PPP6R3: variants seen among roughly 807,000 people sequenced by gnomAD.
PPP6R3 encodes the protein protein phosphatase 6 regulatory subunit 3.
Under a neutral mutation model 110.7 loss-of-function variants are expected in PPP6R3, and 38 were observed. That is an observed-to-expected ratio of 0.34 (90% CI 0.26 to 0.45). The LOEUF (loss-of-function observed/expected upper bound fraction) is 0.45, where lower values mean the gene tolerates loss of function less well. Ranked by LOEUF, PPP6R3 falls within the 20% of genes least tolerant of loss-of-function variation. PPP6R3 has a pLI of 1.00. For missense variants in PPP6R3, 870 were observed against 1,062.4 expected, an observed-to-expected ratio of 0.82 and a Z score of 2.52; for synonymous variants, 369 against 373.5, an observed-to-expected ratio of 0.99 and a Z score of 0.14.
At chr11:68,479,805 C>T (rs539627800) in intron 1 of PPP6R3, among the ~76,000 whole-genome samples, 4 of 152,070 alleles carry the variant, frequency 2.6e-5, no homozygotes, top group South Asian at 4.2e-4. Flanking sequence ...GTGGTGCTAT[C>T]CTGGCTCACT....
At chr11:68,578,809 A>G (rs1255786877) in intron 14 of PPP6R3, among the ~76,000 whole-genome samples, 1 of 152,228 alleles carries the variant, frequency 6.6e-6, no homozygotes, top group Non-Finnish European at 1.5e-5. Context: ...TGCACAGCAG[A>G]TTCATATACT....
chr11:68,558,022 T>G (rs1288091644), intron 7 of PPP6R3, among the ~76,000 whole-genome samples: 1 of 152,254 alleles, frequency 6.6e-6, no homozygotes, highest in East Asian at 1.9e-4. Flanking sequence ...TGCTGCCATT[T>G]TATTTTGCTT....
At chr11:68,551,991 G>T (rs889893598) in intron 6 of PPP6R3, among the ~76,000 whole-genome samples, 1 of 152,174 alleles carries the variant, frequency 6.6e-6, no homozygotes, top group Admixed American at 6.5e-5. Context: ...GGTTGACTTG[G>T]TTACAGGATT....
chr11:68,532,587 T>C (rs2099247107), intron 2 of PPP6R3, among the ~76,000 whole-genome samples: 1 of 152,210 alleles, frequency 6.6e-6, no homozygotes, highest in South Asian at 2.1e-4. Flanking sequence ...TATATTACAG[T>C]GCTCCCATAA....
At chr11:68,557,827 T>C (rs1203383344) in intron 7 of PPP6R3, among the ~76,000 whole-genome samples, 1 of 152,246 alleles carries the variant, frequency 6.6e-6, no homozygotes, top group Non-Finnish European at 1.5e-5. Flanking sequence ...GTCCATTTCT[T>C]AATTCACATG....
At chr11:68,493,939 A>G (rs1468168594) in intron 1 of PPP6R3, among the ~76,000 whole-genome samples, 3 of 151,066 alleles carry the variant, frequency 2.0e-5, no homozygotes, top group Non-Finnish European at 4.4e-5. Context: ...CCTCTCTACT[A>G]AAAATACAAA....
chr11:68,614,407 G>C lies in PPP6R3; in HGVS notation c.*1290G>C. 7.7e-7 allele frequency: 1 copy of C among 1,292,630 alleles called. No individual in the cohort carries two copies. The highest frequency in any genetic ancestry group is 9.8e-7 in the Non-Finnish European group (1 of 1,021,102). 80.1% of individuals were successfully genotyped at this position (1,292,630 alleles called of 1,614,324 possible). ...TACTTCACCTCTTGCACTTTTAGATGCAAATCAGTTTTTCATTTCTGTAAT... is the reference window on the plus strand; with the variant it reads ...TACTTCACCTCTTGCACTTTTAGATCCAAATCAGTTTTTCATTTCTGTAAT... On this transcript the variant is annotated 3_prime_UTR_variant, in exon 24 of 24. Transcript: ENST00000393800.
chr11:68,532,886 A>G (rs1339998174), intron 2 of PPP6R3, among the ~76,000 whole-genome samples: 2 of 152,216 alleles, frequency 1.3e-5, no homozygotes, highest in East Asian at 1.9e-4. Context: ...GCTAGACTGT[A>G]TAGGTTTGTG....
In PPP6R3 at chr11:68,595,928, G is replaced by T. The variant is rs79718084; in HGVS notation, c.1917-169G>T. Reference sequence around the variant, plus strand: ...GGCTTAGTGTGAGGTTGGGCAGCACGCACGCAAAGCTGAGTCTTCCCGGGC... The same window carrying T: ...GGCTTAGTGTGAGGTTGGGCAGCACTCACGCAAAGCTGAGTCTTCCCGGGC... On this transcript the variant is annotated intron_variant, in intron 18 of 23. Transcript: ENST00000393800. Among the ~76,000 whole-genome samples, 376 of 152,292 alleles carry T rather than the reference G, an allele frequency of 2.5e-3. 12 individuals are homozygous for T. The East Asian group carries it at 0.059, about 24-fold the overall frequency.
At chr11:68,600,258 T>C in intron 19 of PPP6R3, 83 bp from the exon 20 acceptor site, 1 of 1,462,484 alleles carries the variant, frequency 6.8e-7, no homozygotes, top group South Asian at 1.2e-5. Flanking sequence ...CAGTCTCTTT[T>C]GCTAATGTGT....
chr11:68,508,121 CTTTTTTTTTTTTTT>C (rs748376581), intron 1 of PPP6R3, among the ~76,000 whole-genome samples: 2 of 77,622 alleles, frequency 2.6e-5, no homozygotes, highest in South Asian at 9.6e-4. Context: ...GTTTTTTGGC[CTTTTTTTTTTTTTT>C]TTTTTTTTTT....
chr11:68,462,137 A>G (rs188196281), intron 1 of PPP6R3, among the ~76,000 whole-genome samples: 25 of 152,310 alleles, frequency 1.6e-4, no homozygotes, highest in Admixed American at 2.6e-4. Context: ...CCTGGCACAT[A>G]CAGTCACCTC....
chr11:68,508,534 AAG>A lies in PPP6R3; in HGVS notation c.-157-10966_-157-10965del, dbSNP rs1287625298. On this transcript the variant is annotated intron_variant, in intron 1 of 23. Transcript: ENST00000393800. ...CAGGGATGATAATAATAGGATGGAA[AAG>A]TACTTGCACAGTGCCAGCGCAAAAG... 5.0e-4 allele frequency among the ~76,000 whole-genome samples: 76 copies of A among 152,310 alleles called. No individual in the cohort carries two copies. In the South Asian group the frequency reaches 0.015, roughly 29 times the overall value.
chr11:68,540,600 G>A (rs1005152774), intron 3 of PPP6R3, among the ~76,000 whole-genome samples: 1 of 152,134 alleles, frequency 6.6e-6, no homozygotes, highest in African/African-American at 2.4e-5. Context: ...TTGTTAGGCG[G>A]GAAGTTCCTC....
At chr11:68,559,248 G>T (rs1361167499) in intron 8 of PPP6R3, among the ~76,000 whole-genome samples, 2 of 152,230 alleles carry the variant, frequency 1.3e-5, no homozygotes, top group African/African-American at 4.8e-5. Flanking sequence ...CAAAAATAAA[G>T]TCTTGCTTTT....
At chr11:68,571,764 GTTTGTT>G (rs934292131) in intron 12 of PPP6R3, among the ~76,000 whole-genome samples, 1 of 152,162 alleles carries the variant, frequency 6.6e-6, no homozygotes, top group Admixed American at 6.5e-5. Flanking sequence ...ATGCTTCTGT[GTTTGTT>G]TTTAAGACAG....
chr11:68,559,404 T>G (rs2099410719), intron 8 of PPP6R3, among the ~76,000 whole-genome samples: 1 of 152,368 alleles, frequency 6.6e-6, no homozygotes, highest in Admixed American at 6.5e-5. Context: ...TGTATAAGTT[T>G]TCCGGGATTG....
chr11:68,471,438 C>T (rs1224535147), intron 1 of PPP6R3, among the ~76,000 whole-genome samples: 1 of 152,014 alleles, frequency 6.6e-6, no homozygotes, highest in Non-Finnish European at 1.5e-5. Context: ...AGTGTTGTCA[C>T]GGAGGATGGA....
intron 1 of PPP6R3, among the ~76,000 whole-genome samples, chr11:68,493,531 A>G (rs533598675): frequency 6.6e-6 from 1 of 150,978 alleles, no homozygotes; most frequent in Non-Finnish European, 1.5e-5. Flanking sequence ...CCCTGGGTTC[A>G]AAGTGATCCT....
Sources: allele counts gnomAD v4.1 joint callset (sites outside exome capture counted in the v4.1 genomes callset), GRCh38; gene constraint gnomAD v4.1.1; transcripts MANE v1.5; gene names NCBI Gene and HGNC (gene_info 2026-07-23, HGNC 2026-07-21).